SAMD8: variants seen among roughly 807,000 people sequenced by gnomAD.
SAMD8 encodes sphingomyelin synthase-related protein 1.
Under a neutral mutation model 42.0 loss-of-function variants are expected in SAMD8, and 20 were observed. The ratio of observed to expected loss-of-function variants is 0.48; its 90% confidence interval spans 0.34 to 0.69. The LOEUF is 0.69. Ranked by LOEUF, SAMD8 falls within the 30% of genes least tolerant of loss-of-function variation. The probability of loss-of-function intolerance (pLI) is 0.01; values close to 1 mark genes in which losing one functional copy is unlikely to be tolerated. For missense variants in SAMD8, 328 were observed against 511.6 expected (o/e 0.64, Z 3.46); for synonymous variants, 162 against 173.0 (o/e 0.94, Z 0.50).
intron 1 of SAMD8, among the ~76,000 whole-genome samples, chr10:75,115,635 C>G (rs1416041423): frequency 6.6e-6 from 1 of 152,112 alleles, no homozygotes; most frequent in East Asian, 1.9e-4. Flanking sequence ...ATTGGGTCCT[C>G]ACAATACTAT....
chr10:75,101,204 G>C (rs560273841), intron 1 of SAMD8, among the ~76,000 whole-genome samples: 17 of 152,188 alleles, frequency 1.1e-4, no homozygotes, highest in Non-Finnish European at 2.4e-4. Context: ...TCTCAGGTCT[G>C]GTACTTGCAG....
intron 1 of SAMD8, among the ~76,000 whole-genome samples, chr10:75,138,114 A>G (rs1307870507): frequency 6.6e-6 from 1 of 152,112 alleles, no homozygotes; most frequent in Non-Finnish European, 1.5e-5. Context: ...GCATCTCATG[A>G]GCATCTAGTT....
chr10:75,154,490 A>G (rs192347048), intron 2 of SAMD8, among the ~76,000 whole-genome samples: 31 of 152,356 alleles, frequency 2.0e-4, no homozygotes, highest in Admixed American at 2.0e-3. Flanking sequence ...AGGAACAACC[A>G]GTGAGAGATG....
chr10:75,111,558 C>T (rs1490295836), upstream of SAMD8: 11 of 1,247,028 alleles, frequency 8.8e-6, no homozygotes, highest in Middle Eastern at 3.1e-4. Context: ...GATGCCTGCG[C>T]GCAGTCGCCA....
intron 1 of SAMD8, among the ~76,000 whole-genome samples, chr10:75,116,244 G>C (rs371171109): frequency 6.6e-6 from 1 of 151,968 alleles, no homozygotes; most frequent in African/African-American, 2.4e-5. Flanking sequence ...GACTATAGGC[G>C]TGTGCCACCA....
At position 75,130,093 on chromosome 10, in the gene SAMD8, T is replaced by C. The variant is rs181967290; in HGVS notation, c.-16+18371T>C. 1.3e-3 allele frequency among the ~76,000 whole-genome samples: 198 copies of C among 152,294 alleles called. 4 individuals are homozygous for C. Among genetic ancestry groups the C allele is most frequent in the African/African-American group, 4.3e-3 (179 of 41,564 alleles). On this transcript the variant is annotated intron_variant, in intron 1 of 5. Transcript: ENST00000542569. Reference sequence around the variant, plus strand: ...TACTTATTTAGGAAGTTGTCATTATTATTAGAAGATGAATAACAACTGGAT... The same window carrying C: ...TACTTATTTAGGAAGTTGTCATTATCATTAGAAGATGAATAACAACTGGAT...
Position 75,181,176 on chromosome 10 carries a change from T to A in SAMD8, c.*4484T>A, listed in dbSNP as rs767568843. Reference sequence around the variant, plus strand: ...ACAGTACTGGTTTCATTTAGACAGTTTCTAAGCCAGCAAAGGTGTCAATTT... The same window carrying A: ...ACAGTACTGGTTTCATTTAGACAGTATCTAAGCCAGCAAAGGTGTCAATTT... On this transcript the variant is annotated 3_prime_UTR_variant, in exon 6 of 6. Transcript: ENST00000542569. 2.0e-5 allele frequency: 3 copies of A among 152,226 alleles called. No homozygotes were observed. The highest frequency in any genetic ancestry group is 1.3e-4 in the Admixed American group (2 of 15,278). 9.4% of individuals were successfully genotyped at this position (152,226 alleles called of 1,614,324 possible).
At chr10:75,107,575 G>A (rs891357651), upstream of SAMD8, among the ~76,000 whole-genome samples, 1 of 152,082 alleles carries the variant, frequency 6.6e-6, no homozygotes, top group African/African-American at 2.4e-5. Flanking sequence ...ACTAAGCAGA[G>A]GACTTTTTTT....
At chr10:75,142,271 T>C (rs1840033203) in intron 1 of SAMD8, among the ~76,000 whole-genome samples, 1 of 151,500 alleles carries the variant, frequency 6.6e-6, no homozygotes, top group Non-Finnish European at 1.5e-5. Context: ...TCTGCCCTCA[T>C]CATTATTATT....
Position 75,176,216 on chromosome 10 carries a change from TGTAA to T in SAMD8, c.943+4_943+7del, listed in dbSNP as rs1280428754. 6.2e-7 allele frequency: 1 copy of T among 1,614,234 alleles called. No individual in the cohort carries two copies. On this transcript the variant is annotated splice_donor_variant and splice_donor_region_variant and intron_variant, in intron 5 of 5. Transcript: ENST00000542569. LOFTEE classifies it high-confidence loss of function. This position sits in a 1 kb window ranked among gnomAD's most constrained non-coding sequence, Gnocchi z 4.3. ...TATGCTGAATTTCTTTGTCACCGAA[TGTAA>T]GTATCTTTTTAGTGCTTCTATGCGT... is the stretch of plus-strand genomic sequence containing the variant.
chr10:75,178,112 T>C lies in SAMD8; in HGVS notation c.*1420T>C, dbSNP rs373669683. 9 of 151,714 alleles carry C rather than the reference T, an allele frequency of 5.9e-5. No individual in the cohort carries two copies. In the East Asian group the frequency reaches 1.7e-3, roughly 29 times the overall value. The allele number at this position is 151,714 out of a possible 1,614,324, so 9.4% of individuals were successfully genotyped here. The stretch of plus-strand genomic sequence containing the variant: ...CCTTCCTTATCTGGGTGAAATATTT[T>C]ATTTTTGCACTTTGAGTCATATTCC... On this transcript the variant is annotated 3_prime_UTR_variant, in exon 6 of 6. Transcript: ENST00000542569.
chr10:75,115,672 G>A (rs1308554302), intron 1 of SAMD8, among the ~76,000 whole-genome samples: 2 of 152,126 alleles, frequency 1.3e-5, no homozygotes, highest in Non-Finnish European at 2.9e-5. Context: ...CGGGCACGGT[G>A]GCTCACGCCT....
intron 1 of SAMD8, among the ~76,000 whole-genome samples, chr10:75,124,744 C>G (rs895635142): frequency 6.6e-6 from 1 of 151,776 alleles, no homozygotes; most frequent in Non-Finnish European, 1.5e-5. Flanking sequence ...TCATGTCTGT[C>G]ATTATATTCC....
chr10:75,137,539 CAAAA>C (rs373211048), intron 1 of SAMD8, among the ~76,000 whole-genome samples: 1 of 107,258 alleles, frequency 9.3e-6, no homozygotes. Context: ...GACTCCGTCT[CAAAA>C]AAAAAAAAAA....
At chr10:75,157,029 C>T (rs139241848) in intron 2 of SAMD8, among the ~76,000 whole-genome samples, 5 of 151,924 alleles carry the variant, frequency 3.3e-5, no homozygotes, top group Middle Eastern at 3.4e-3. Context: ...CAACTTACTT[C>T]GGGGAGGGGT....
intron 4 of SAMD8, among the ~76,000 whole-genome samples, chr10:75,172,786 G>A (rs1289498819): frequency 6.6e-6 from 1 of 151,754 alleles, no homozygotes; most frequent in African/African-American, 2.4e-5. Flanking sequence ...GTGAGCCACC[G>A]TGCCTGGCCT....
chr10:75,133,031 T>G (rs1167537605), intron 1 of SAMD8, among the ~76,000 whole-genome samples: 1 of 152,096 alleles, frequency 6.6e-6, no homozygotes, highest in Non-Finnish European at 1.5e-5. Context: ...TTTGTTTTGT[T>G]TATAATGATC....
upstream of SAMD8, among the ~76,000 whole-genome samples, chr10:75,110,031 T>C (rs1354463320): frequency 6.6e-6 from 1 of 152,196 alleles, no homozygotes; most frequent in Non-Finnish European, 1.5e-5. Flanking sequence ...TTGGTCTGAC[T>C]GGTCTTGAAC....
At chr10:75,101,211 G>A (rs1233762720) in intron 1 of SAMD8, among the ~76,000 whole-genome samples, 1 of 152,192 alleles carries the variant, frequency 6.6e-6, no homozygotes, top group Non-Finnish European at 1.5e-5. Flanking sequence ...TCTGGTACTT[G>A]CAGCTATGTG....
Sources: allele counts gnomAD v4.1 joint callset (sites outside exome capture counted in the v4.1 genomes callset), GRCh38; gene constraint gnomAD v4.1.1; non-coding constraint Gnocchi (gnomAD v3.1); transcripts MANE v1.5; gene names NCBI Gene and HGNC (gene_info 2026-07-23, HGNC 2026-07-21).